ANKFN1: variants seen among roughly 807,000 people sequenced by gnomAD.
ANKFN1 encodes ankyrin repeat and fibronectin type III domain containing 1, also known as ankyrin repeat and fibronectin type-III domain-containing protein 1.
In ANKFN1, 74 loss-of-function variants were observed where a neutral mutation model predicts 108.7. The ratio of observed to expected loss-of-function variants is 0.68; its 90% CI spans 0.56 to 0.83. ANKFN1 has a LOEUF of 0.83. Ranked by LOEUF, ANKFN1 falls within the 40% of genes least tolerant of loss-of-function variation. The pLI is 0.00. For missense variants in ANKFN1, 1,505 were observed against 1,382.3 expected (o/e 1.09, Z -1.41); for synonymous variants, 547 against 516.2 (o/e 1.06, Z -0.81).
chr17:56,194,451 A>T (rs188382268), intron 1 of ANKFN1, among the ~76,000 whole-genome samples: 7 of 152,340 alleles, frequency 4.6e-5, no homozygotes, highest in Admixed American at 4.6e-4. Context: ...CTCACAAGTC[A>T]TGAAAAGACA....
intron 1 of ANKFN1, 92 bp downstream of exon 1, chr17:56,153,622 G>A (rs1908814721): frequency 6.5e-7 from 1 of 1,530,250 alleles, no homozygotes; most frequent in Non-Finnish European, 9.1e-7. Flanking sequence ...TTGAGTGGGC[G>A]AGTGAATTCG....
intron 2 of ANKFN1, among the ~76,000 whole-genome samples, chr17:56,219,793 A>C (rs915535442): frequency 6.6e-6 from 1 of 152,194 alleles, no homozygotes. Context: ...CCACAACTCA[A>C]CTGTGAGTTA....
chr17:56,496,054 T>A (rs2051191718), intron 19 of ANKFN1, among the ~76,000 whole-genome samples: 1 of 151,994 alleles, frequency 6.6e-6, no homozygotes, highest in African/African-American at 2.4e-5. Flanking sequence ...ATCAGGGGGA[T>A]TATGTTGTCA....
At chr17:56,427,669 G>A (rs923777174) in intron 8 of ANKFN1, among the ~76,000 whole-genome samples, 1 of 152,074 alleles carries the variant, frequency 6.6e-6, no homozygotes, top group Admixed American at 6.5e-5. Flanking sequence ...TTCAGTCAGC[G>A]AAAGTCCAAT....
chr17:56,155,491 C>T (rs1598151026), intron 1 of ANKFN1, among the ~76,000 whole-genome samples: 1 of 152,316 alleles, frequency 6.6e-6, no homozygotes, highest in Admixed American at 6.5e-5. Context: ...TTATTGAAAG[C>T]CAATAACTTT....
In ANKFN1 at chr17:56,179,465, C is replaced by T. The variant is rs766138564; in HGVS notation, c.-71+25935C>T. On this transcript the variant is annotated intron_variant, in intron 1 of 20. Transcript: ENST00000682825. ...GCTCCAGACAACTTGAAGAACGGAA[C>T]GCATTTTTTCAAAGTGCTAGAGGGG... Among the ~76,000 whole-genome samples, 11 of 152,088 alleles carry T rather than the reference C, an allele frequency of 7.2e-5. No individual in the cohort carries two copies. In the East Asian group the frequency reaches 1.5e-3, roughly 21 times the overall value.
At chr17:56,401,631 C>T (rs1167931756) in intron 8 of ANKFN1, among the ~76,000 whole-genome samples, 1 of 152,014 alleles carries the variant, frequency 6.6e-6, no homozygotes, top group South Asian at 2.1e-4. Context: ...TTTCAGCAAA[C>T]AGTGACAGGT....
intron 17 of ANKFN1, among the ~76,000 whole-genome samples, chr17:56,481,565 A>G (rs924982287): frequency 1.3e-5 from 2 of 152,094 alleles, no homozygotes; most frequent in African/African-American, 4.8e-5. Flanking sequence ...GGAGACCATT[A>G]GAGGAGCGAC....
chr17:56,238,561 T>G (rs1450556029), intron 3 of ANKFN1, among the ~76,000 whole-genome samples: 1 of 152,172 alleles, frequency 6.6e-6, no homozygotes, highest in Non-Finnish European at 1.5e-5. Flanking sequence ...TTGTGATCTT[T>G]GTTGGTTTAA....
chr17:56,123,839 C>CAGAGAG lies in ANKFN1; in HGVS notation c.288+77536_288+77541dup, dbSNP rs72419531. Among the ~76,000 whole-genome samples, 55 of 142,540 alleles carry CAGAGAG rather than the reference C, an allele frequency of 3.9e-4. 2 individuals carry two copies. In the South Asian group the frequency reaches 8.2e-3, roughly 21 times the overall value. 93.5% of individuals were successfully genotyped at this position (142,540 alleles called of 152,430 possible). A position where few individuals can be genotyped will look rare whatever the true frequency, so the allele number is the denominator to read the frequency against. ...TGTGTGTGTGTGACAGAGAGAGACA[C>CAGAGAG]AGAGAGAGAGAGAGAGAGAGAGAGA... On this transcript the variant is annotated intron_variant, in intron 4 of 12. Coordinates refer to the ANKFN1 transcript ENST00000635860.
At chr17:56,157,664 A>G (rs1035098982) in intron 1 of ANKFN1, among the ~76,000 whole-genome samples, 2 of 152,232 alleles carry the variant, frequency 1.3e-5, no homozygotes, top group East Asian at 3.9e-4. Flanking sequence ...TGAGGCATTT[A>G]AATAGGCTCT....
intron 4 of ANKFN1, among the ~76,000 whole-genome samples, chr17:56,333,895 A>G (rs2045733040): frequency 6.6e-6 from 1 of 152,148 alleles, no homozygotes; most frequent in African/African-American, 2.4e-5. Flanking sequence ...GCCTGGTCCT[A>G]TAGCCAAGTT....
At chr17:56,137,959 G>A (rs1907691078) in intron 4 of ANKFN1, among the ~76,000 whole-genome samples, 1 of 152,150 alleles carries the variant, frequency 6.6e-6, no homozygotes, top group South Asian at 2.1e-4. Flanking sequence ...TAGATGAGTT[G>A]CCCTTTGACT....
intron 4 of ANKFN1, among the ~76,000 whole-genome samples, chr17:56,072,088 G>T (rs6505031): frequency 0.68 from 104,056 of 152,146 alleles, 36,096 homozygotes; most frequent in Middle Eastern, 0.76. Context: ...ATCCATGTCA[G>T]TAAGATTTTT....
intron 3 of ANKFN1, among the ~76,000 whole-genome samples, chr17:56,325,777 C>G (rs980149353): frequency 6.6e-6 from 1 of 152,174 alleles, no homozygotes; most frequent in Admixed American, 6.5e-5. Flanking sequence ...TGTCTGGCCC[C>G]AGAAGGGCTG....
At position 56,510,523 on chromosome 17, in the gene ANKFN1, A is replaced by G. The variant is rs1418729835; in HGVS notation, c.2695A>G (p.Thr899Ala). 6.5e-6 allele frequency: 10 copies of G among 1,535,974 alleles called. No individual in the cohort carries two copies. Among genetic ancestry groups the G allele is most frequent in the African/African-American group, 4.1e-5 (3 of 73,024 alleles). The change falls in exon 21 of 21, where the codon ACC becomes GCC. Residue 899 changes from threonine to alanine, a missense_variant. Transcript: ENST00000682825. Reference sequence around the variant, plus strand: ...AGCCTGCTCAGAAGTCTTCCTCCCCACCAACAGTGACTACGACTCCAGCGA... The same window carrying G: ...AGCCTGCTCAGAAGTCTTCCTCCCCGCCAACAGTGACTACGACTCCAGCGA... ...EEACSEVFLP[T>A]NSDYDSSDAL...
intron 11 of ANKFN1, among the ~76,000 whole-genome samples, chr17:56,453,366 G>A (rs1294277694): frequency 6.6e-6 from 1 of 152,012 alleles, no homozygotes; most frequent in African/African-American, 2.4e-5. Context: ...TTTCCCTGTA[G>A]TTAATAATCA....
chr17:56,357,198 C>T (rs542295696), intron 6 of ANKFN1, among the ~76,000 whole-genome samples: 18 of 152,276 alleles, frequency 1.2e-4, no homozygotes, highest in African/African-American at 2.6e-4. Context: ...CAAAGAGATA[C>T]GACCACATAT....
chr17:56,232,975 A>G (rs555802738), intron 3 of ANKFN1, among the ~76,000 whole-genome samples: 1 of 152,232 alleles, frequency 6.6e-6, no homozygotes, highest in Non-Finnish European at 1.5e-5. Context: ...TTTACTGGTT[A>G]TGTGCTTTAG....
Sources: allele counts gnomAD v4.1 joint callset (sites outside exome capture counted in the v4.1 genomes callset), GRCh38; gene constraint gnomAD v4.1.1; transcripts MANE v1.5; gene names NCBI Gene and HGNC (gene_info 2026-07-23, HGNC 2026-07-21).